Variants in HTR1F observed in about 807,000 individuals in gnomAD.
HTR1F encodes the protein 5-hydroxytryptamine receptor 1F.
A neutral mutation model predicts 24.0 loss-of-function variants in HTR1F; 17 were observed. That is an observed-to-expected ratio of 0.71 (90% CI 0.48 to 1.06). HTR1F has a LOEUF of 1.06. Ranked by LOEUF, HTR1F falls within the 50% of genes least tolerant of loss-of-function variation. The pLI, the probability that HTR1F is intolerant of heterozygous loss-of-function variation, is 0.00. For synonymous variants in HTR1F, 186 were observed against 156.8 expected (o/e 1.19, Z -1.39); for missense variants, 391 against 427.8 (o/e 0.91, Z 0.76).
intron 1 of HTR1F, among the ~76,000 whole-genome samples, chr3:87,802,231 C>T (rs1194406313): frequency 1.7e-5 from 1 of 58,832 alleles, no homozygotes; most frequent in Non-Finnish European, 2.9e-5. Flanking sequence ...CTCCCTCCCT[C>T]CCTCCCTTCC....
chr3:87,877,227 T>C (rs1705690628), intron 2 of HTR1F, among the ~76,000 whole-genome samples: 1 of 152,168 alleles, frequency 6.6e-6, no homozygotes, highest in Admixed American at 6.5e-5. Context: ...CCAAGCCAGT[T>C]TTTTTGTTTG....
chr3:87,934,366 C>T (rs1410439739), intron 2 of HTR1F, among the ~76,000 whole-genome samples: 1 of 152,142 alleles, frequency 6.6e-6, no homozygotes, highest in Non-Finnish European at 1.5e-5. Context: ...GTCCCCATTC[C>T]AACAGTCCAT....
At chr3:87,910,256 T>A (rs1703749207) in intron 2 of HTR1F, 3 of 151,978 alleles carry the variant, frequency 2.0e-5, no homozygotes, top group Non-Finnish European at 4.4e-5. Flanking sequence ...CCATACTCCT[T>A]GACAAGGATG....
chr3:87,945,236 C>T lies in HTR1F; in HGVS notation c.-42-45472C>T, dbSNP rs184063944. On this transcript the variant is annotated intron_variant, in intron 2 of 2. Coordinates refer to ENST00000319595, the MANE Select transcript of HTR1F (RefSeq NM_001322209.2). ...ATAACTGCCCATGTCGAGAGCTGTA[C>T]ACCTAAATCGGGAGGGACACCAGGG... Among the ~76,000 whole-genome samples the T allele has an allele frequency of 6.6e-5, 10 of 152,098 alleles. No individual in the cohort carries two copies. In the East Asian group the frequency reaches 1.9e-3, roughly 29 times the overall value.
At chr3:87,920,880 GT>G (rs1275933065) in intron 2 of HTR1F, among the ~76,000 whole-genome samples, 1 of 151,830 alleles carries the variant, frequency 6.6e-6, no homozygotes, top group South Asian at 2.1e-4. Flanking sequence ...TAAAATAAAA[GT>G]TTTTTTAAAA....
At chr3:87,839,491 A>T (rs2107173557) in intron 2 of HTR1F, among the ~76,000 whole-genome samples, 1 of 152,212 alleles carries the variant, frequency 6.6e-6, no homozygotes, top group East Asian at 1.9e-4. Flanking sequence ...GGATAGTGTG[A>T]TGCTTCCTAC....
intron 2 of HTR1F, among the ~76,000 whole-genome samples, chr3:87,920,897 A>G (rs1703999754): frequency 6.6e-6 from 1 of 151,972 alleles, no homozygotes; most frequent in Admixed American, 6.6e-5. Context: ...TAAAAAATAT[A>G]CTTTTTCTAA....
intron 2 of HTR1F, among the ~76,000 whole-genome samples, chr3:87,902,910 C>A (rs1372095347): frequency 1.3e-5 from 2 of 151,888 alleles, no homozygotes; most frequent in African/African-American, 4.8e-5. Flanking sequence ...CATCCATGTA[C>A]TGGTACCAAA....
chr3:87,947,311 A>C (rs1007654315), intron 2 of HTR1F, among the ~76,000 whole-genome samples: 21 of 152,186 alleles, frequency 1.4e-4, no homozygotes, highest in Admixed American at 1.3e-4. Flanking sequence ...ACAGGAAAAA[A>C]AGTGGTTTGG....
At chr3:87,937,186 C>T (rs1284503584) in intron 2 of HTR1F, among the ~76,000 whole-genome samples, 1 of 150,920 alleles carries the variant, frequency 6.6e-6, no homozygotes, top group East Asian at 2.0e-4. Flanking sequence ...AAAGAGAAAA[C>T]TTCAAGCCAA....
intron 2 of HTR1F, among the ~76,000 whole-genome samples, chr3:87,844,381 T>C (rs1427708572): frequency 1.6e-5 from 2 of 126,424 alleles, no homozygotes; most frequent in Non-Finnish European, 3.2e-5. Context: ...GGTTGTTTGT[T>C]TTTTTCTTGT....
At chr3:87,793,337 G>A (rs963792597) in intron 1 of HTR1F, 20 of 152,228 alleles carry the variant, frequency 1.3e-4, no homozygotes, top group African/African-American at 4.1e-4. Flanking sequence ...GGGACGGTAA[G>A]ATAAATCTGA....
intron 2 of HTR1F, among the ~76,000 whole-genome samples, chr3:87,957,418 T>A (rs922684889): frequency 4.6e-5 from 7 of 151,358 alleles, no homozygotes; most frequent in Admixed American, 2.0e-4. Context: ...TTTCTGTTTT[T>A]GTTTTTTGTG....
At chr3:87,987,084 G>A (rs1705678270) in intron 2 of HTR1F, among the ~76,000 whole-genome samples, 1 of 151,438 alleles carries the variant, frequency 6.6e-6, no homozygotes, top group Non-Finnish European at 1.5e-5. Context: ...CCAGCCTGGG[G>A]TACAGAGTGA....
At chr3:87,870,447 G>T (rs970601272) in intron 2 of HTR1F, among the ~76,000 whole-genome samples, 1 of 152,070 alleles carries the variant, frequency 6.6e-6, no homozygotes, top group Non-Finnish European at 1.5e-5. Flanking sequence ...CATGCACCAA[G>T]CCAAGAACAA....
At chr3:87,905,927 T>C (rs1156792247) in intron 2 of HTR1F, among the ~76,000 whole-genome samples, 1 of 152,000 alleles carries the variant, frequency 6.6e-6, no homozygotes, top group Admixed American at 6.6e-5. Context: ...TGATTCCCAT[T>C]GGAAGAAAAA....
At chr3:87,857,996 A>G (rs1451199093) in intron 2 of HTR1F, among the ~76,000 whole-genome samples, 1 of 152,210 alleles carries the variant, frequency 6.6e-6, no homozygotes, top group Admixed American at 6.6e-5. Context: ...ATAATAATAA[A>G]GAAAAATGGT....
At position 87,920,029 on chromosome 3, in the gene HTR1F, T is replaced by TTATATATATATATATA. The variant is rs74326472; in HGVS notation, c.-42-70673_-42-70658dup. ...GTGTGGGAGAGATATATATGTAATATTATATATATATATATATATATGATA... is the reference window on the plus strand; with the variant it reads ...GTGTGGGAGAGATATATATGTAATATTATATATATATATATATATATATATATATATATATATGATA... On this transcript the variant is annotated intron_variant, in intron 2 of 2. Coordinates refer to ENST00000319595, the MANE Select transcript of HTR1F (RefSeq NM_001322209.2). 7.8e-3 allele frequency among the ~76,000 whole-genome samples: 1,105 copies of TTATATATATATATATA among 141,892 alleles called. 3 individuals are homozygous for TTATATATATATATATA. The highest frequency in any genetic ancestry group is 0.015 in the Middle Eastern group (4 of 274). The allele number at this position is 141,892 out of a possible 152,430, so 93.1% of individuals were successfully genotyped here.
intron 1 of HTR1F, among the ~76,000 whole-genome samples, chr3:87,801,489 T>A (rs546255668): frequency 2.6e-5 from 4 of 152,050 alleles, no homozygotes; most frequent in Non-Finnish European, 5.9e-5. Flanking sequence ...CACAGCTAGG[T>A]TTTATACATT....
Sources: gnomAD v4.1 joint callset for allele counts (sites outside exome capture counted in the v4.1 genomes callset) on GRCh38, gnomAD v4.1.1 for gene constraint, MANE v1.5 for transcripts, NCBI Gene and HGNC (gene_info 2026-07-23, HGNC 2026-07-21) for gene names.